The following CR1L variants were observed in gnomAD, a reference collection of about 807,000 sequenced individuals.
The protein encoded by CR1L is complement component receptor 1-like protein.
In CR1L, 59 loss-of-function variants were observed where a neutral mutation model predicts 62.3. The ratio of observed to expected loss-of-function variants is 0.95; its 90% CI spans 0.77 to 1.18. The LOEUF (loss-of-function observed/expected upper bound fraction) is 1.18. CR1L is among the 50% of genes most tolerant of loss of function. The probability of loss-of-function intolerance (pLI) is 0.00; values close to 1 mark genes in which losing one functional copy is unlikely to be tolerated. For synonymous variants in CR1L, 279 were observed against 248.7 expected (o/e 1.12, Z -1.15); for missense variants, 700 against 702.8 (o/e 1.00, Z 0.04).
intron 8 of CR1L, among the ~76,000 whole-genome samples, chr1:207,699,850 A>G (rs11118410): frequency 0.33 from 49,578 of 152,024 alleles, 8,320 homozygotes; most frequent in East Asian, 0.41. Context: ...TTACTCAGGT[A>G]GGGAGAAGGA....
chr1:207,722,691 C>T (rs1373310136), intron 11 of CR1L, among the ~76,000 whole-genome samples: 1 of 151,610 alleles, frequency 6.6e-6, no homozygotes, highest in Non-Finnish European at 1.5e-5. Context: ...ATGTGAACAC[C>T]CAATAAAAAG....
intron 9 of CR1L, among the ~76,000 whole-genome samples, chr1:207,707,188 G>T (rs1395904031): frequency 6.6e-6 from 1 of 152,154 alleles, no homozygotes; most frequent in Non-Finnish European, 1.5e-5. Flanking sequence ...ATAGTAAGGG[G>T]AGGGAAGGAA....
intron 1 of CR1L, among the ~76,000 whole-genome samples, chr1:207,645,712 C>T (rs574078491): frequency 7.2e-5 from 11 of 152,262 alleles, no homozygotes; most frequent in African/African-American, 2.6e-4. Context: ...CCGTGCTGTG[C>T]CCGTGGTGAG....
intron 1 of CR1L, among the ~76,000 whole-genome samples, chr1:207,672,152 T>C (rs1663624356): frequency 6.6e-6 from 1 of 150,688 alleles, no homozygotes; most frequent in South Asian, 2.1e-4. Context: ...AAGACCATTT[T>C]AAATATAGAC....
intron 1 of CR1L, among the ~76,000 whole-genome samples, chr1:207,657,985 C>T (rs115112644): frequency 0.018 from 2,744 of 152,168 alleles, 73 homozygotes; most frequent in African/African-American, 0.061. Flanking sequence ...AACAACAAGG[C>T]CAATCCCCAA....
chr1:207,652,432 A>G (rs1018278289), intron 1 of CR1L: 29 of 679,564 alleles, frequency 4.3e-5, no homozygotes, highest in Non-Finnish European at 7.8e-5. Flanking sequence ...GTCATTTAAA[A>G]TCTTGCCAAG....
At chr1:207,710,847 A>T in intron 10 of CR1L, 1 of 1,410,346 alleles carries the variant, frequency 7.1e-7, no homozygotes, top group Non-Finnish European at 1.0e-6. Context: ...GGATCAGGAG[A>T]TGAGTATTTG....
At chr1:207,686,528 A>C (rs1663915361) in intron 4 of CR1L, among the ~76,000 whole-genome samples, 1 of 152,148 alleles carries the variant, frequency 6.6e-6, no homozygotes, top group Non-Finnish European at 1.5e-5. Context: ...TTTTGAGTAC[A>C]TTTTTGAAAG....
In CR1L at chr1:207,657,140, C is replaced by T. The variant is rs1200498735; in HGVS notation, c.97+11810C>T. On this transcript the variant is annotated intron_variant, in intron 1 of 11. Transcript: ENST00000508064. ...ATTTTAAGAGATTTTGTGCACATGA[C>T]CTCCAAAAATAAAAAATGGAAAACA... is the stretch of plus-strand genomic sequence containing the variant. 1.6e-5 allele frequency: 13 copies of T among 808,408 alleles called. No homozygotes were observed. The Admixed American group carries it at 2.0e-4, about 12-fold the overall frequency. 50.1% of individuals were successfully genotyped at this position (808,408 alleles called of 1,614,324 possible).
chr1:207,717,549 A>G lies in CR1L; in HGVS notation c.1500A>G (p.Val500=). 1.9e-6 allele frequency: 3 copies of G among 1,613,820 alleles called. No individual in the cohort carries two copies. Among genetic ancestry groups the G allele is most frequent in the South Asian group, 1.1e-5 (1 of 91,074 alleles). ...GAGATATTCCCTATGGAAAAGAAGT[A>G]TCTTACACATGTGACCCCCACCCAG... is the stretch of plus-strand genomic sequence containing the variant. ...PLGDIPYGKE[V]SYTCDPHPDR... is the part of the protein sequence containing the mutation. Residue 500 remains valine (V), a synonymous_variant, in exon 11 of 12, where the codon GTA becomes GTG. Coordinates refer to ENST00000508064, the MANE Select transcript of CR1L (RefSeq NM_175710.2).
rs11118421 is a variant in CR1L at position 207,703,757 on chromosome 1, C to G, written c.1328+2139C>G. Among the ~76,000 whole-genome samples, 1,060 of 152,284 alleles carry G rather than the reference C, an allele frequency of 7.0e-3. 9 individuals carry two copies. The highest frequency in any genetic ancestry group is 0.024 in the African/African-American group (988 of 41,560). ...GGATCATGAGGTCAGGATTTCAAGA[C>G]CAGCCTGGCCAACATAGTGAAACCC... On this transcript the variant is annotated intron_variant, in intron 9 of 11. Transcript: ENST00000508064.
At chr1:207,705,440 G>A (rs1223786122) in intron 9 of CR1L, among the ~76,000 whole-genome samples, 1 of 152,186 alleles carries the variant, frequency 6.6e-6, no homozygotes, top group African/African-American at 2.4e-5. Flanking sequence ...CCCTTGCTCA[G>A]CACACAGTGG....
At chr1:207,720,042 G>T (rs1160495022) in intron 11 of CR1L, among the ~76,000 whole-genome samples, 1 of 152,194 alleles carries the variant, frequency 6.6e-6, no homozygotes, top group South Asian at 2.1e-4. Flanking sequence ...CAGATAATGG[G>T]CAATTCTTAA....
chr1:207,688,961 A>C (rs1364723492), intron 4 of CR1L, among the ~76,000 whole-genome samples: 1 of 152,124 alleles, frequency 6.6e-6, no homozygotes, highest in Admixed American at 6.5e-5. Context: ...GTCATCTATG[A>C]ATCTGACAAA....
chr1:207,670,096 C>T (rs1663587746), intron 1 of CR1L, among the ~76,000 whole-genome samples: 1 of 150,996 alleles, frequency 6.6e-6, no homozygotes, highest in South Asian at 2.1e-4. Context: ...GGCCTGTCCC[C>T]GAGTCCATTT....
intron 10 of CR1L, chr1:207,710,538 G>A: frequency 6.2e-7 from 1 of 1,609,348 alleles, no homozygotes; most frequent in Non-Finnish European, 8.5e-7. Flanking sequence ...TCCATATACT[G>A]CACCAGCAAA....
At chr1:207,672,487 T>G (rs1204447942) in intron 1 of CR1L, among the ~76,000 whole-genome samples, 2 of 151,326 alleles carry the variant, frequency 1.3e-5, no homozygotes, top group Non-Finnish European at 2.9e-5. Context: ...GGTGCTGAAG[T>G]CTCTTTATCA....
chr1:207,688,255 G>A (rs1663941156), intron 4 of CR1L, among the ~76,000 whole-genome samples: 1 of 152,156 alleles, frequency 6.6e-6, no homozygotes, highest in African/African-American at 2.4e-5. Flanking sequence ...CAGTCCAGGT[G>A]ACAGAGTGAG....
intron 10 of CR1L, chr1:207,715,267 A>G (rs1350097872): frequency 8.6e-7 from 1 of 1,164,702 alleles, no homozygotes; most frequent in Non-Finnish European, 1.3e-6. Context: ...CAAGGGAGAG[A>G]TGGGAATTGC....
Sources: allele counts gnomAD v4.1 joint callset (sites outside exome capture counted in the v4.1 genomes callset), GRCh38; gene constraint gnomAD v4.1.1; transcripts MANE v1.5; gene names NCBI Gene and HGNC (gene_info 2026-07-23, HGNC 2026-07-21).